KIAA2012: variants seen among roughly 807,000 people sequenced by gnomAD.
KIAA2012 encodes KIAA2012, also known as uncharacterized protein KIAA2012.
In KIAA2012, 125 loss-of-function variants were observed where a neutral mutation model predicts 150.6. The observed-to-expected ratio is 0.83, with a 90% CI of 0.72 to 0.96. The LOEUF (loss-of-function observed/expected upper bound fraction) is 0.96. Ranked by LOEUF, KIAA2012 falls within the 40% of genes least tolerant of loss-of-function variation. The pLI is 0.00. For missense variants in KIAA2012, 1,219 were observed against 1,354.9 expected, an observed-to-expected ratio of 0.90 and a Z score of 1.57; for synonymous variants, 462 against 504.7, an observed-to-expected ratio of 0.92 and a Z score of 1.13.
At chr2:202,074,350 T>C (rs552316163) in intron 1 of KIAA2012, among the ~76,000 whole-genome samples, 1 of 152,324 alleles carries the variant, frequency 6.6e-6, no homozygotes, top group Admixed American at 6.5e-5. Context: ...AAACGGCATA[T>C]AAAGTTTCAA....
chr2:202,151,093 C>G (rs952801874), intron 13 of KIAA2012, among the ~76,000 whole-genome samples: 4 of 152,160 alleles, frequency 2.6e-5, no homozygotes, highest in Non-Finnish European at 5.9e-5. Flanking sequence ...CCCCTGCTTA[C>G]CTCTAAATAA....
chr2:202,134,617 C>T (rs1202878437), intron 12 of KIAA2012, among the ~76,000 whole-genome samples: 2 of 152,206 alleles, frequency 1.3e-5, no homozygotes, highest in South Asian at 2.1e-4. Flanking sequence ...TGCAATGGCA[C>T]GATCTTAGCT....
At chr2:202,147,864 A>G (rs931021494) in intron 13 of KIAA2012, among the ~76,000 whole-genome samples, 1 of 152,082 alleles carries the variant, frequency 6.6e-6, no homozygotes, top group Non-Finnish European at 1.5e-5. Flanking sequence ...TCGACGTCCC[A>G]TCTCCCAGTC....
intron 12 of KIAA2012, chr2:202,137,424 C>T (rs1691093135): frequency 6.7e-6 from 1 of 149,844 alleles, no homozygotes; most frequent in Non-Finnish European, 1.5e-5. Context: ...TCAAGTGATT[C>T]TCCTGCCTCA....
At chr2:202,183,702 C>T (rs945725945) in intron 15 of KIAA2012, among the ~76,000 whole-genome samples, 12 of 152,088 alleles carry the variant, frequency 7.9e-5, no homozygotes, top group African/African-American at 2.9e-4. Context: ...GATGGGGTTT[C>T]ACCATGTTAG....
intron 15 of KIAA2012, among the ~76,000 whole-genome samples, chr2:202,171,847 C>CTT (rs60916677): frequency 0.14 from 16,606 of 116,504 alleles, 1,912 homozygotes; most frequent in Non-Finnish European, 0.17. Context: ...TTGGCATTTA[C>CTT]TTTTTTTTTT....
intron 15 of KIAA2012, among the ~76,000 whole-genome samples, chr2:202,171,750 T>G (rs911196677): frequency 4.6e-5 from 7 of 151,698 alleles, no homozygotes; most frequent in Admixed American, 2.0e-4. Context: ...ACCCCTGGAG[T>G]GCCACCCAAA....
intron 2 of KIAA2012, among the ~76,000 whole-genome samples, chr2:202,083,655 G>A (rs78883124): frequency 6.6e-6 from 1 of 151,618 alleles, no homozygotes; most frequent in East Asian, 1.9e-4. Context: ...TCGAGCCAAC[G>A]TCTGAGTAGT....
chr2:202,152,942 C>G (rs1362853261), intron 13 of KIAA2012, among the ~76,000 whole-genome samples: 1 of 152,116 alleles, frequency 6.6e-6, no homozygotes, highest in Non-Finnish European at 1.5e-5. Context: ...CAAATCCACA[C>G]TCAGGGTGAT....
At chr2:202,176,529 T>G (rs1691995477) in intron 15 of KIAA2012, among the ~76,000 whole-genome samples, 1 of 152,180 alleles carries the variant, frequency 6.6e-6, no homozygotes, top group Non-Finnish European at 1.5e-5. Flanking sequence ...TTTGAAGTTT[T>G]CAACAAGACA....
At chr2:202,087,923 C>T (rs919808619) in intron 2 of KIAA2012, among the ~76,000 whole-genome samples, 2 of 151,674 alleles carry the variant, frequency 1.3e-5, no homozygotes, top group South Asian at 2.1e-4. Context: ...AAGCAAGGCC[C>T]TCCATGTCTT....
chr2:202,162,065 G>GT (rs5837807), intron 14 of KIAA2012, among the ~76,000 whole-genome samples: 44,503 of 149,052 alleles, frequency 0.3, 7,419 homozygotes, highest in Non-Finnish European at 0.38. Flanking sequence ...TATTCAGAAG[G>GT]TTTTTTTTTT....
In KIAA2012 at chr2:202,105,873, C is replaced by T. The variant is rs1690176079; in HGVS notation, c.1437C>T (p.Leu479=). Residue 479 remains leucine, a synonymous_variant, in exon 9 of 24, where the codon CTC becomes CTT. Coordinates refer to ENST00000498697, the MANE Select transcript of KIAA2012 (RefSeq NM_001277372.4). ...CACCATGGGAGTTAACAGTGCATCT[C>T]CCAGTGGACGCGAGCAGGGACACAC... The part of the protein sequence containing the change: ...LETPWELTVH[L]PVDASRDTLS... 8 of 1,550,888 alleles carry T rather than the reference C, an allele frequency of 5.2e-6. No homozygotes were observed. The highest frequency in any genetic ancestry group is 7.0e-6 in the Non-Finnish European group (8 of 1,147,068).
intron 9 of KIAA2012, among the ~76,000 whole-genome samples, chr2:202,108,745 A>C (rs560751127): frequency 6.6e-6 from 1 of 152,236 alleles, no homozygotes; most frequent in Non-Finnish European, 1.5e-5. Context: ...AAATTTTATT[A>C]TTTGGTTAAA....
chr2:202,163,422 A>T (rs972521849), intron 14 of KIAA2012, among the ~76,000 whole-genome samples: 3 of 152,272 alleles, frequency 2.0e-5, no homozygotes, highest in African/African-American at 4.8e-5. Flanking sequence ...TCTTATATCT[A>T]AAAAAAGATA....
intron 13 of KIAA2012, among the ~76,000 whole-genome samples, chr2:202,142,404 A>G (rs1333551280): frequency 6.6e-6 from 1 of 152,246 alleles, no homozygotes; most frequent in African/African-American, 2.4e-5. Flanking sequence ...AAAAAGAAAA[A>G]AGTCAGTGAA....
chr2:202,085,191 G>C (rs1689534173), intron 2 of KIAA2012, among the ~76,000 whole-genome samples: 1 of 152,082 alleles, frequency 6.6e-6, no homozygotes, highest in Admixed American at 6.6e-5. Flanking sequence ...AAAGAAACCA[G>C]GAAACTAGAA....
intron 14 of KIAA2012, among the ~76,000 whole-genome samples, chr2:202,158,198 G>A (rs1691568982): frequency 6.6e-6 from 1 of 152,134 alleles, no homozygotes; most frequent in African/African-American, 2.4e-5. Flanking sequence ...GTTTCACCAT[G>A]TCAGCCAGGA....
chr2:202,170,309 T>A (rs1379004666), intron 15 of KIAA2012, among the ~76,000 whole-genome samples: 2 of 152,216 alleles, frequency 1.3e-5, no homozygotes, highest in Middle Eastern at 3.2e-3. Context: ...GATCTGAAAA[T>A]AACAAAATTG....
Sources: gnomAD v4.1 joint callset for allele counts (sites outside exome capture counted in the v4.1 genomes callset) on GRCh38, gnomAD v4.1.1 for gene constraint, MANE v1.5 for transcripts, NCBI Gene and HGNC (gene_info 2026-07-23, HGNC 2026-07-21) for gene names.